SNX10: variants seen among roughly 807,000 people sequenced by gnomAD.
SNX10 encodes sorting nexin-10.
Under a neutral mutation model 28.5 loss-of-function variants are expected in SNX10, and 25 were observed. That is an observed-to-expected ratio of 0.88 (90% CI 0.64 to 1.22). The LOEUF is 1.22. Ranked by LOEUF, SNX10 falls within the 50% of genes most tolerant of loss-of-function variation. The probability of loss-of-function intolerance (pLI) is 0.00; values close to 1 mark genes in which losing one functional copy is unlikely to be tolerated. For synonymous variants in SNX10, 62 were observed against 81.4 expected (o/e 0.76, Z 1.28); for missense variants, 223 against 242.6 (o/e 0.92, Z 0.54).
chr7:26,315,910 C>T (rs537163316), intron 1 of SNX10, among the ~76,000 whole-genome samples: 31 of 151,442 alleles, frequency 2.0e-4, no homozygotes, highest in African/African-American at 7.0e-4. Flanking sequence ...TGGCTGGGCG[C>T]GATGGCTCAC....
At chr7:26,310,828 G>A (rs922532000) in intron 1 of SNX10, among the ~76,000 whole-genome samples, 3 of 151,834 alleles carry the variant, frequency 2.0e-5, no homozygotes. Flanking sequence ...AACTACAGGC[G>A]CCTGCCACCA....
At position 26,364,521 on chromosome 7, in the gene SNX10, C is replaced by G; in HGVS notation, c.112-14C>G. On this transcript the variant is annotated splice_polypyrimidine_tract_variant and intron_variant, in intron 3 of 6. Transcript: ENST00000338523. The surrounding 1 kb of genome is among the most constrained non-coding windows in gnomAD (Gnocchi z 4.9). ...TCCTCAGGTAAGACTCATTTTTCTACTTTCTCTGTACAGACTAATAGCATG... is the reference window on the plus strand; with the variant it reads ...TCCTCAGGTAAGACTCATTTTTCTAGTTTCTCTGTACAGACTAATAGCATG... 1 of 1,593,402 alleles carries G rather than the reference C, an allele frequency of 6.3e-7. No individual in the cohort carries two copies.
intron 2 of SNX10, among the ~76,000 whole-genome samples, chr7:26,346,900 C>T (rs973980100): frequency 2.0e-5 from 3 of 152,250 alleles, no homozygotes; most frequent in Non-Finnish European, 4.4e-5. Flanking sequence ...CAAAACTGGC[C>T]CTTCTGCCTG....
chr7:26,317,221 GC>G (rs1439228218), intron 1 of SNX10, among the ~76,000 whole-genome samples: 5 of 152,186 alleles, frequency 3.3e-5, no homozygotes, highest in Admixed American at 2.6e-4. Flanking sequence ...CCTAGGGAGA[GC>G]TGACCTTGTT....
intron 5 of SNX10, among the ~76,000 whole-genome samples, chr7:26,371,619 T>G (rs187647837): frequency 3.9e-5 from 6 of 152,296 alleles, no homozygotes; most frequent in African/African-American, 1.2e-4. Flanking sequence ...GCTTCATGTT[T>G]TTACCCACCT....
At chr7:26,359,025 C>T (rs938608391) in intron 2 of SNX10, among the ~76,000 whole-genome samples, 3 of 151,784 alleles carry the variant, frequency 2.0e-5, no homozygotes, top group Admixed American at 6.6e-5. Context: ...AGGCTGGTCT[C>T]GAACACCCGA....
chr7:26,325,784 G>A (rs974156864), intron 1 of SNX10, among the ~76,000 whole-genome samples: 5 of 150,956 alleles, frequency 3.3e-5, no homozygotes, highest in Admixed American at 6.6e-5. Context: ...CTGGAGTGCA[G>A]TGGTGTGATC....
At chr7:26,295,624 C>T (rs947846457) in intron 1 of SNX10, among the ~76,000 whole-genome samples, 11 of 152,216 alleles carry the variant, frequency 7.2e-5, no homozygotes, top group African/African-American at 2.4e-4. Context: ...TCCATTATAG[C>T]CTGATAGTTC....
intron 6 of SNX10, 118 bp downstream of exon 6, chr7:26,372,151 A>C (rs1789576868): frequency 2.9e-6 from 2 of 690,794 alleles, no homozygotes; most frequent in Non-Finnish European, 4.7e-6. Context: ...ATACTAAGAT[A>C]ATGAAAAAAT....
intron 2 of SNX10, among the ~76,000 whole-genome samples, chr7:26,347,051 C>T (rs974302827): frequency 2.0e-4 from 30 of 152,188 alleles, no homozygotes; most frequent in African/African-American, 7.2e-4. Flanking sequence ...TGGTGCAGTG[C>T]ACATCATCAC....
intron 2 of SNX10, among the ~76,000 whole-genome samples, chr7:26,348,199 G>C (rs1222369947): frequency 1.3e-5 from 2 of 152,154 alleles, no homozygotes; most frequent in Non-Finnish European, 2.9e-5. Context: ...CACCCCTAGA[G>C]GTGACCTTCC....
At chr7:26,296,369 A>G (rs1048568440) in intron 1 of SNX10, among the ~76,000 whole-genome samples, 1 of 151,676 alleles carries the variant, frequency 6.6e-6, no homozygotes, top group Non-Finnish European at 1.5e-5. Flanking sequence ...CTTGGGCAAA[A>G]GCTGGGTGTG....
chr7:26,296,134 CATAA>C (rs925137866), intron 1 of SNX10, among the ~76,000 whole-genome samples: 1 of 151,776 alleles, frequency 6.6e-6, no homozygotes, highest in Non-Finnish European at 1.5e-5. Context: ...GACTCTGTCT[CATAA>C]ATAAATAAAT....
intron 5 of SNX10, among the ~76,000 whole-genome samples, chr7:26,367,534 C>T (rs1789344452): frequency 6.6e-6 from 1 of 152,172 alleles, no homozygotes; most frequent in Non-Finnish European, 1.5e-5. Context: ...GAGTCAAATA[C>T]CACAGGGCTG....
chr7:26,354,016 C>T (rs1000780534), intron 2 of SNX10: 1 of 152,188 alleles, frequency 6.6e-6, no homozygotes, highest in African/African-American at 2.4e-5. Flanking sequence ...TAGCTTTCGT[C>T]TTTTGTGATC....
chr7:26,343,343 C>T (rs1035202946), intron 1 of SNX10, among the ~76,000 whole-genome samples: 2 of 152,188 alleles, frequency 1.3e-5, no homozygotes, highest in African/African-American at 2.4e-5. Flanking sequence ...TGAGCACTTG[C>T]ACTCTTTCAT....
chr7:26,353,354 T>C (rs992278177), intron 2 of SNX10, among the ~76,000 whole-genome samples: 7 of 152,200 alleles, frequency 4.6e-5, no homozygotes, highest in African/African-American at 1.7e-4. Flanking sequence ...GAATATAGTA[T>C]ATGAAATGTG....
chr7:26,338,411 T>C (rs1788029578), intron 1 of SNX10, among the ~76,000 whole-genome samples: 2 of 152,104 alleles, frequency 1.3e-5, no homozygotes, highest in East Asian at 1.9e-4. Flanking sequence ...CAGACCCCGC[T>C]GTGTGGGAGA....
At chr7:26,344,569 G>T (rs1209407114) in intron 1 of SNX10, among the ~76,000 whole-genome samples, 3 of 152,128 alleles carry the variant, frequency 2.0e-5, no homozygotes, top group Non-Finnish European at 4.4e-5. Flanking sequence ...TGTCCTCCAG[G>T]TTTATCCCTG....
Sources: allele counts gnomAD v4.1 joint callset (sites outside exome capture counted in the v4.1 genomes callset), GRCh38; gene constraint gnomAD v4.1.1; non-coding constraint Gnocchi (gnomAD v3.1); transcripts MANE v1.5; gene names NCBI Gene and HGNC (gene_info 2026-07-23, HGNC 2026-07-21).